The following NFXL1 variants were observed in gnomAD, a reference collection of about 807,000 sequenced individuals.
NFXL1 encodes the protein NF-X1-type zinc finger protein NFXL1.
NFXL1 carries 66 observed loss-of-function variants against 123.3 expected under a neutral mutation model. That is an observed-to-expected ratio of 0.54 (90% CI 0.44 to 0.66). NFXL1 has a LOEUF of 0.66. Ranked by LOEUF, NFXL1 falls within the 30% of genes least tolerant of loss-of-function variation. The pLI is 0.00. For synonymous variants in NFXL1, 346 were observed against 360.8 expected, an observed-to-expected ratio of 0.96 and a Z score of 0.46; for missense variants, 944 against 1,125.6, an observed-to-expected ratio of 0.84 and a Z score of 2.31.
At chr4:47,887,732 T>G (rs572443035) in intron 12 of NFXL1, among the ~76,000 whole-genome samples, 3 of 152,216 alleles carry the variant, frequency 2.0e-5, no homozygotes, top group Non-Finnish European at 4.4e-5. Flanking sequence ...AACGTAACCT[T>G]TTTGTTATTC....
chr4:47,884,467 T>G (rs1420323479), intron 14 of NFXL1, 30 bp from the exon 15 acceptor site: 4 of 1,357,746 alleles, frequency 2.9e-6, no homozygotes. Flanking sequence ...GAATTTTAAG[T>G]CAGAGGGATT....
chr4:47,899,866 T>G (rs1161112037), intron 5 of NFXL1, among the ~76,000 whole-genome samples: 2 of 152,234 alleles, frequency 1.3e-5, no homozygotes, highest in African/African-American at 4.8e-5. Context: ...AAATTTCTTA[T>G]AATTTCTAAA....
rs780311966 is a variant in NFXL1, at chr4:47,896,605, T to C, written c.1247A>G (p.Asp416Gly). The part of the protein sequence containing the change: ...PCTEDVPTCG[D>G]SCDKVLECGI... ...GCATTCAAGTACTTTGTCACAACTGTCTCCACAAGTTGGTACATCTTCTGT... is the reference window on the plus strand; with the variant it reads ...GCATTCAAGTACTTTGTCACAACTGCCTCCACAAGTTGGTACATCTTCTGT... Residue 416 changes from aspartate to glycine, a missense_variant, in exon 10 of 23, where the codon GAC becomes GGC. Physicochemically the swap from Asp to Gly is moderately conservative, Grantham distance 94. Around this residue, in one of 4 missense-constraint regions of NFXL1, gnomAD observed 296 missense variants for 395.1 expected, o/e 0.75. Transcript: ENST00000507489. 3 of 1,611,010 alleles carry C rather than the reference T, an allele frequency of 1.9e-6. No individual in the cohort carries two copies. The South Asian group carries it at 3.3e-5, about 18-fold the overall frequency.
At chr4:47,866,699 G>A (rs890211152) in intron 18 of NFXL1, among the ~76,000 whole-genome samples, 6 of 152,224 alleles carry the variant, frequency 3.9e-5, no homozygotes, top group African/African-American at 1.4e-4. Context: ...CTTGGCTGGT[G>A]CTTGGGAATC....
chr4:47,891,842 C>G (rs1736786707), intron 11 of NFXL1, among the ~76,000 whole-genome samples: 1 of 151,592 alleles, frequency 6.6e-6, no homozygotes, highest in Admixed American at 6.6e-5. Flanking sequence ...GAGGCTGAGG[C>G]AGGAGAATTG....
intron 5 of NFXL1, among the ~76,000 whole-genome samples, chr4:47,899,942 A>G (rs1737290867): frequency 2.6e-5 from 4 of 152,252 alleles, no homozygotes; most frequent in South Asian, 2.1e-4. Context: ...ATACAGCTAC[A>G]AAAAGAAAGT....
chr4:47,874,099 G>T (rs1042607199), intron 18 of NFXL1, among the ~76,000 whole-genome samples: 8 of 152,192 alleles, frequency 5.3e-5, no homozygotes, highest in Non-Finnish European at 7.3e-5. Flanking sequence ...TCTAAATGTT[G>T]TGGCTGCTTT....
intron 5 of NFXL1, among the ~76,000 whole-genome samples, chr4:47,901,464 A>G (rs1560603200): frequency 6.6e-6 from 1 of 152,160 alleles, no homozygotes; most frequent in African/African-American, 2.4e-5. Flanking sequence ...GAGCGAGGGT[A>G]AAAAAATATA....
chr4:47,851,431 C>A (rs1017731419), intron 21 of NFXL1, among the ~76,000 whole-genome samples: 1 of 152,062 alleles, frequency 6.6e-6, no homozygotes, highest in Non-Finnish European at 1.5e-5. Flanking sequence ...ACTGTAACAG[C>A]AAATTTTAAA....
chr4:47,910,833 T>C lies in NFXL1; in HGVS notation c.397A>G (p.Thr133Ala), dbSNP rs375270253. Reference protein sequence around the residue: ...ILANTFITYTTQTDGDTRELE... With the variant: ...ILANTFITYTAQTDGDTRELE... Reference sequence around the variant, plus strand: ...TTTAAAAGATCAGTACCTGTCTGAGTAGTGTATGTTATAAACGTATTTGCA... The same window carrying C: ...TTTAAAAGATCAGTACCTGTCTGAGCAGTGTATGTTATAAACGTATTTGCA... The change falls in exon 3 of 23, where the codon ACT becomes GCT. Residue 133 changes from threonine to alanine, a missense_variant. Thr to Ala is a moderately conservative substitution (Grantham distance 58). This residue lies in a region of NFXL1 where 303 missense variants were observed against 292.1 expected (regional missense o/e 1.04). Transcript: ENST00000507489. The C allele has an allele frequency of 1.8e-4, 286 of 1,576,364 alleles. No individual in the cohort carries two copies. The highest frequency in any genetic ancestry group is 2.3e-4 in the Non-Finnish European group (272 of 1,165,454).
chr4:47,894,289 T>C lies in NFXL1; in HGVS notation c.1343A>G (p.His448Arg), dbSNP rs749181917. Residue 448 changes from histidine to arginine, a missense_variant, in exon 11 of 23, where the codon CAT (histidine) becomes CGT (arginine). This residue lies in a region of NFXL1 where 296 missense variants were observed against 395.1 expected (regional missense o/e 0.75). Transcript: ENST00000507489. ...CETCRQEVEK[H>R]CRCGKHTKRM... ...TTTTGTATGCTTTCCACAGCGACAATGCTTTTCCACTTCCTGGAAGAATAA... is the reference window on the plus strand; with the variant it reads ...TTTTGTATGCTTTCCACAGCGACAACGCTTTTCCACTTCCTGGAAGAATAA... 6.3e-7 allele frequency: 1 copy of C among 1,589,462 alleles called. No individual in the cohort carries two copies.
intron 10 of NFXL1, 61 bp downstream of exon 10, chr4:47,896,462 T>C: frequency 7.5e-7 from 1 of 1,330,164 alleles, no homozygotes; most frequent in Non-Finnish European, 1.1e-6. Flanking sequence ...CACAGGACAA[T>C]CTCATTTGAT....
chr4:47,867,769 A>G (rs1037055667), intron 18 of NFXL1, among the ~76,000 whole-genome samples: 2 of 152,230 alleles, frequency 1.3e-5, no homozygotes, highest in African/African-American at 4.8e-5. Flanking sequence ...TATAAACGAA[A>G]GCAGCATAGA....
chr4:47,850,730 C>A (rs1016273725), intron 22 of NFXL1, among the ~76,000 whole-genome samples: 16 of 151,990 alleles, frequency 1.1e-4, no homozygotes, highest in African/African-American at 3.6e-4. Flanking sequence ...AACTCAAATA[C>A]TTTTAGTTAA....
chr4:47,874,112 T>A (rs903306515), intron 18 of NFXL1, among the ~76,000 whole-genome samples: 1 of 152,216 alleles, frequency 6.6e-6, no homozygotes, highest in Non-Finnish European at 1.5e-5. Flanking sequence ...GCTGCTTTGA[T>A]CTTCTATCCA....
chr4:47,894,719 T>G (rs189610189), intron 10 of NFXL1, among the ~76,000 whole-genome samples: 107 of 152,272 alleles, frequency 7.0e-4, no homozygotes, highest in African/African-American at 2.5e-3. Flanking sequence ...TCTAGGCCTC[T>G]ACTGAAGTCT....
intron 19 of NFXL1, among the ~76,000 whole-genome samples, chr4:47,855,676 A>G (rs1040354615): frequency 6.6e-6 from 1 of 150,930 alleles, no homozygotes; most frequent in African/African-American, 2.4e-5. Flanking sequence ...GCACTGTGGG[A>G]AAAAAAACAA....
At chr4:47,875,021 G>C (rs1224011588) in intron 18 of NFXL1, 106 bp downstream of exon 18, 1 of 587,440 alleles carries the variant, frequency 1.7e-6, no homozygotes, top group African/African-American at 1.9e-5. Flanking sequence ...GGAAAATCTA[G>C]GCATCTAGAG....
rs574648180 is a variant in NFXL1 at position 47,913,979 on chromosome 4, G to A, written c.225C>T (p.Thr75=). ...SPAGSQALQT[T]AASELMSQKK... is the part of the protein sequence containing the mutation. The stretch of plus-strand genomic sequence containing the variant: ...GGGAGCCATTCTCACCGCTGGCTGC[G>A]GTAGTCTGCAGGGCTTGGGATCCTG... Residue 75 remains threonine (T), a synonymous_variant, in exon 2 of 23, where the codon ACC becomes ACT. Coordinates refer to ENST00000507489, the MANE Select transcript of NFXL1 (RefSeq NM_001278624.2). The A allele has an allele frequency of 4.5e-6, 7 of 1,545,440 alleles. No individual in the cohort carries two copies. The highest frequency in any genetic ancestry group is 2.0e-5 in the Admixed American group (1 of 50,948).
Sources: allele counts gnomAD v4.1 joint callset (sites outside exome capture counted in the v4.1 genomes callset), GRCh38; gene constraint gnomAD v4.1.1; regional missense constraint gnomAD v4.1.1; transcripts MANE v1.5; gene names NCBI Gene and HGNC (gene_info 2026-07-23, HGNC 2026-07-21).